The following ITGA6 variants were observed in gnomAD, a reference collection of about 807,000 sequenced individuals.
ITGA6 encodes integrin subunit alpha 6.
Under a neutral mutation model 133.6 loss-of-function variants are expected in ITGA6, and 63 were observed. The ratio of observed to expected loss-of-function variants is 0.47; its 90% CI spans 0.38 to 0.58. The LOEUF is 0.58. Ranked by LOEUF, ITGA6 falls within the 20% of genes least tolerant of loss-of-function variation. ITGA6 has a pLI of 0.00. For synonymous variants in ITGA6, 434 were observed against 482.0 expected (o/e 0.90, Z 1.30); for missense variants, 1,068 against 1,309.4 (o/e 0.82, Z 2.85).
intron 3 of ITGA6, among the ~76,000 whole-genome samples, chr2:172,467,979 G>A (rs1258292597): frequency 6.6e-6 from 1 of 151,794 alleles, no homozygotes; most frequent in South Asian, 2.1e-4. Context: ...AAGTAATCAC[G>A]TAATCAAAGC....
At chr2:172,441,908 A>C (rs1684559880) in intron 1 of ITGA6, among the ~76,000 whole-genome samples, 1 of 152,022 alleles carries the variant, frequency 6.6e-6, no homozygotes, top group Non-Finnish European at 1.5e-5. Flanking sequence ...CCTCACCCCT[A>C]AGCAGAGGTC....
rs1686147476 is a variant in ITGA6 at position 172,475,771 on chromosome 2, C to T, written c.1269+86C>T. On this transcript the variant is annotated intron_variant, in intron 8 of 25. Coordinates refer to ENST00000684293, the MANE Select transcript of ITGA6 (RefSeq NM_000210.4). ...ATTTAGGTTTAAGTGACTTTTCACA[C>T]AAATCTTATTTTATTTACAAGTCCA... 16 of 797,758 alleles carry T rather than the reference C, an allele frequency of 2.0e-5. No homozygotes were observed. The South Asian group carries it at 2.2e-4, about 11-fold the overall frequency. The allele number at this position is 797,758 out of a possible 1,614,324, so 49.4% of individuals were successfully genotyped here.
At chr2:172,445,581 G>A (rs1388399512) in intron 1 of ITGA6, among the ~76,000 whole-genome samples, 7 of 150,492 alleles carry the variant, frequency 4.7e-5, no homozygotes, top group Non-Finnish European at 7.4e-5. Context: ...CCCGGGAGGC[G>A]GAGCTTGCAG....
At chr2:172,441,849 C>T (rs559377078) in intron 1 of ITGA6, among the ~76,000 whole-genome samples, 73 of 152,302 alleles carry the variant, frequency 4.8e-4, no homozygotes, top group African/African-American at 1.6e-3. Context: ...CAATTCCCTT[C>T]TTGTCCTGAG....
At chr2:172,456,667 A>AC (rs1182445719) in intron 1 of ITGA6, among the ~76,000 whole-genome samples, 1 of 152,070 alleles carries the variant, frequency 6.6e-6, no homozygotes. Context: ...GGGCCTCAGC[A>AC]CCCCCAGGAA....
chr2:172,477,515 C>T (rs1297437778), intron 9 of ITGA6, among the ~76,000 whole-genome samples: 1 of 152,160 alleles, frequency 6.6e-6, no homozygotes, highest in African/African-American at 2.4e-5. Context: ...GTAACTTCTG[C>T]TGTCTAATCT....
At chr2:172,477,228 T>C (rs1296116239) in intron 9 of ITGA6, among the ~76,000 whole-genome samples, 1 of 152,248 alleles carries the variant, frequency 6.6e-6, no homozygotes, top group Non-Finnish European at 1.5e-5. Flanking sequence ...TCAAGACTTT[T>C]GATTCGGTTT....
intron 20 of ITGA6, chr2:172,490,661 T>G (rs1421764404): frequency 3.5e-6 from 1 of 284,610 alleles, no homozygotes; most frequent in Non-Finnish European, 6.7e-6. Flanking sequence ...ATGTGCTGAC[T>G]ACCATGTTTT....
chr2:172,452,394 G>A (rs370836052), intron 1 of ITGA6, among the ~76,000 whole-genome samples: 9 of 152,174 alleles, frequency 5.9e-5, no homozygotes, highest in East Asian at 3.8e-4. Context: ...AGCAACACAC[G>A]AGGCAGGAAA....
intron 6 of ITGA6, among the ~76,000 whole-genome samples, chr2:172,474,492 G>A (rs759203033): frequency 1.1e-4 from 16 of 149,836 alleles, no homozygotes; most frequent in South Asian, 2.1e-4. Flanking sequence ...TTACTTATAT[G>A]TTGGGATCAT....
At chr2:172,496,589 G>A (rs548273174) in intron 23 of ITGA6, among the ~76,000 whole-genome samples, 1 of 152,124 alleles carries the variant, frequency 6.6e-6, no homozygotes, top group Non-Finnish European at 1.5e-5. Context: ...GTTCAATATG[G>A]ACATAGAATA....
chr2:172,467,631 C>T, intron 3 of ITGA6, 71 bp downstream of exon 3: 1 of 1,116,974 alleles, frequency 9.0e-7, no homozygotes, highest in Non-Finnish European at 1.4e-6. Flanking sequence ...AGGCTTACAG[C>T]AGGGGACAGC....
Position 172,471,068 on chromosome 2 carries a change from T to C in ITGA6, c.738T>C (p.Asp246=), listed in dbSNP as rs370702437. 6 of 1,614,084 alleles carry C rather than the reference T, an allele frequency of 3.7e-6. No homozygotes were observed. Among genetic ancestry groups the C allele is most frequent in the Non-Finnish European group, 5.1e-6 (6 of 1,180,010 alleles). The change falls in exon 5 of 26, where the codon GAT becomes GAC. Residue 246 remains aspartate (D), a synonymous_variant. Coordinates refer to ENST00000684293, the MANE Select transcript of ITGA6 (RefSeq NM_000210.4). ...AAGTTGGTGGAGAGACTGAGCATGATGAAAGTCTCGTTCCTGTTCCTGCTA... is the reference window on the plus strand; with the variant it reads ...AAGTTGGTGGAGAGACTGAGCATGACGAAAGTCTCGTTCCTGTTCCTGCTA... ...PYEVGGETEH[D]ESLVPVPANS...
intron 1 of ITGA6, among the ~76,000 whole-genome samples, chr2:172,436,829 C>G (rs573330930): frequency 7.2e-5 from 11 of 152,268 alleles, no homozygotes; most frequent in Non-Finnish European, 1.6e-4. Context: ...TGCCTATGTT[C>G]TGATCGGGGA....
rs570983082 is a variant in ITGA6, at chr2:172,456,379, G to A, written c.183-9160G>A. On this transcript the variant is annotated intron_variant, in intron 1 of 25. Transcript: ENST00000684293. ...CAGCTGCACTGTTGAGATTTGAAGC[G>A]TGGTGCTGTTGAATTCAAGCTGCTG... is the stretch of plus-strand genomic sequence containing the variant. Among the ~76,000 whole-genome samples the A allele has an allele frequency of 1.3e-4, 20 of 152,310 alleles. No individual in the cohort carries two copies. In the South Asian group the frequency reaches 3.5e-3, roughly 27 times the overall value.
chr2:172,435,322 C>T (rs2148995026), intron 1 of ITGA6, among the ~76,000 whole-genome samples: 1 of 152,238 alleles, frequency 6.6e-6, no homozygotes, highest in African/African-American at 2.4e-5. Context: ...TTGTTCTGTT[C>T]TCTTTCCTTC....
At chr2:172,467,124 A>G (rs906224428) in intron 2 of ITGA6, among the ~76,000 whole-genome samples, 6 of 152,188 alleles carry the variant, frequency 3.9e-5, no homozygotes, top group Admixed American at 2.0e-4. Context: ...TTGGAATACT[A>G]GATTTTACAT....
Position 172,465,522 on chromosome 2 carries a change from C to T in ITGA6, c.183-17C>T. 1 of 1,614,036 alleles carries T rather than the reference C, an allele frequency of 6.2e-7. No individual in the cohort carries two copies. The highest frequency in any genetic ancestry group is 8.5e-7 in the Non-Finnish European group (1 of 1,179,968). ...TATTAAATTCAAATCTCCAAATTGTCTCTGTTTCATCAACAGGTTGCTCGT... is the reference window on the plus strand; with the variant it reads ...TATTAAATTCAAATCTCCAAATTGTTTCTGTTTCATCAACAGGTTGCTCGT... On this transcript the variant is annotated splice_polypyrimidine_tract_variant and intron_variant, in intron 1 of 25. Coordinates refer to ENST00000684293, the MANE Select transcript of ITGA6 (RefSeq NM_000210.4).
At position 172,483,914 on chromosome 2, in the gene ITGA6, G is replaced by A. The variant is rs112405777; in HGVS notation, c.1550-868G>A. ...TAACCTCTGCCTCCTGGGTTCAAGCGATTCTCCTGCCTCAGCCTCCCGAGT... is the reference window on the plus strand; with the variant it reads ...TAACCTCTGCCTCCTGGGTTCAAGCAATTCTCCTGCCTCAGCCTCCCGAGT... On this transcript the variant is annotated intron_variant, in intron 11 of 25. Transcript: ENST00000684293. 6.4e-3 allele frequency among the ~76,000 whole-genome samples: 972 copies of A among 152,276 alleles called. 17 individuals carry two copies. The highest frequency in any genetic ancestry group is 0.022 in the African/African-American group (917 of 41,554).
Sources: allele counts gnomAD v4.1 joint callset (sites outside exome capture counted in the v4.1 genomes callset), GRCh38; gene constraint gnomAD v4.1.1; transcripts MANE v1.5; gene names NCBI Gene and HGNC (gene_info 2026-07-23, HGNC 2026-07-21).